The following MPP3 variants were observed in gnomAD, a reference collection of about 807,000 sequenced individuals.
MPP3 encodes MAGUK p55 subfamily member 3.
A neutral mutation model predicts 80.7 loss-of-function variants in MPP3; 48 were observed. The ratio of observed to expected loss-of-function variants is 0.59; its 90% confidence interval spans 0.47 to 0.76. The LOEUF is 0.76. MPP3 is among the 30% of genes least tolerant of loss of function. The probability of loss-of-function intolerance (pLI) is 0.00; values close to 1 mark genes in which losing one functional copy is unlikely to be tolerated. For synonymous variants in MPP3, 311 were observed against 297.6 expected, an observed-to-expected ratio of 1.04 and a Z score of -0.46; for missense variants, 620 against 763.0, an observed-to-expected ratio of 0.81 and a Z score of 2.21.
intron 14 of MPP3, 100 bp from the exon 15 acceptor site, chr17:43,814,461 C>T (rs996806273): frequency 8.2e-7 from 1 of 1,218,800 alleles, no homozygotes; most frequent in Non-Finnish European, 1.1e-6. Context: ...GGAGATGGGA[C>T]TGAGTCCCAC....
At position 43,811,128 on chromosome 17, in the gene MPP3, C is replaced by T. The variant is rs571133744; in HGVS notation, c.1333G>A (p.Asp445Asn). The T allele has an allele frequency of 5.0e-6, 8 of 1,614,030 alleles. No individual in the cohort carries two copies. The highest frequency in any genetic ancestry group is 3.3e-5 in the South Asian group (3 of 91,074). The change falls in exon 17 of 20, where the codon GAC becomes AAC. Residue 445 changes from aspartate (D) to asparagine (N), a missense_variant. Coordinates refer to ENST00000398389, the MANE Select transcript of MPP3 (RefSeq NM_001932.6). ...GCAACGTACTTGTTGTGATGTAAGT[C>T]GGCCTCAAATGCTTGCTTAGACACA... is the stretch of plus-strand genomic sequence containing the variant. ...HFVSKQAFEA[D>N]LHHNKFLEHG...
intron 19 of MPP3, 70 bp from the exon 20 acceptor site, chr17:43,801,947 T>C (rs2044426919): frequency 6.7e-7 from 1 of 1,500,938 alleles, no homozygotes; most frequent in African/African-American, 1.4e-5. Context: ...ACCTTTGTCT[T>C]GAGCAATGTT....
At position 43,812,674 on chromosome 17, in the gene MPP3, G is replaced by A. The variant is rs149098025; in HGVS notation, c.1255+1337C>T. 8.1e-4 allele frequency among the ~76,000 whole-genome samples: 123 copies of A among 152,326 alleles called. No individual in the cohort carries two copies. The Middle Eastern group carries it at 0.014, about 17-fold the overall frequency. ...GACTCCCCCAGTTTCTAAAACAAAG[G>A]AGGAAAGTCTCCTATCTGTGGAGTG... On this transcript the variant is annotated intron_variant, in intron 16 of 19. Coordinates refer to ENST00000398389, the MANE Select transcript of MPP3 (RefSeq NM_001932.6).
chr17:43,812,344 G>A (rs1298932530), intron 16 of MPP3, among the ~76,000 whole-genome samples: 22 of 152,168 alleles, frequency 1.4e-4, no homozygotes, highest in Non-Finnish European at 1.5e-5. Flanking sequence ...CCAACCTCCG[G>A]TAGAGGTGCT....
intron 5 of MPP3, 77 bp downstream of exon 5, chr17:43,831,167 A>C: frequency 7.1e-7 from 1 of 1,401,496 alleles, no homozygotes; most frequent in Middle Eastern, 1.8e-4. Context: ...CCCCACACTA[A>C]GCAAGCGAGG....
At chr17:43,818,142 T>C (rs749601999) in intron 11 of MPP3, 32 bp from the exon 12 acceptor site, 2 of 1,465,758 alleles carry the variant, frequency 1.4e-6, no homozygotes, top group Non-Finnish European at 1.8e-6. Context: ...GGCGGGCCCG[T>C]GAGCTGGGCC....
rs746351115 is a variant in MPP3, at chr17:43,831,952, A to G, written c.-37-9T>C. The G allele has an allele frequency of 6.3e-7, 1 of 1,584,642 alleles. No individual in the cohort carries two copies. The highest frequency in any genetic ancestry group is 1.7e-4 in the Middle Eastern group (1 of 6,008). ...ACCTCTCCCTGCAGATTCTGGGAGA[A>G]GGGGGTGGAGGTGGGTATTGAAGCT... On this transcript the variant is annotated splice_polypyrimidine_tract_variant and intron_variant, in intron 2 of 19. Coordinates refer to ENST00000398389, the MANE Select transcript of MPP3 (RefSeq NM_001932.6).
Position 43,801,703 on chromosome 17 carries a change from A to G in MPP3, c.1756T>C (p.Ter586GlnextTer16), listed in dbSNP as rs1227382147. ...THWVPVSWVR[*>Q] ...AGCTTGGATGTTCTGGGATAAAGTT[A>G]CCTGACCCAACTAACAGGTACCCAG... Residue 586 changes from the stop codon to glutamine, a stop_lost, in exon 20 of 20, where the codon TAA (stop) becomes CAA (glutamine). Transcript: ENST00000398389. The G allele has an allele frequency of 6.2e-7, 1 of 1,614,086 alleles. No homozygotes were observed. Among genetic ancestry groups the G allele is most frequent in the East Asian group, 2.2e-5 (1 of 44,882 alleles).
chr17:43,819,958 G>A (rs2154591346), intron 11 of MPP3, among the ~76,000 whole-genome samples: 1 of 151,908 alleles, frequency 6.6e-6, no homozygotes, highest in East Asian at 1.9e-4. Flanking sequence ...GTTTTGTTTT[G>A]TTTTTTGAGT....
At chr17:43,812,922 A>G (rs1422704342) in intron 16 of MPP3, among the ~76,000 whole-genome samples, 2 of 152,054 alleles carry the variant, frequency 1.3e-5, no homozygotes, top group South Asian at 4.1e-4. Context: ...GCCACTTCAG[A>G]TTGGGCTGTG....
At chr17:43,820,175 GC>G (rs2045357836) in intron 11 of MPP3, among the ~76,000 whole-genome samples, 1 of 151,980 alleles carries the variant, frequency 6.6e-6, no homozygotes, top group South Asian at 2.1e-4. Context: ...GAACTCCTGG[GC>G]CCAAGGGAAC....
chr17:43,820,316 T>G (rs1355996540), intron 11 of MPP3, among the ~76,000 whole-genome samples: 1 of 152,136 alleles, frequency 6.6e-6, no homozygotes, highest in Non-Finnish European at 1.5e-5. Flanking sequence ...ATACATTAAC[T>G]TAGGCTGGAT....
chr17:43,820,947 C>T lies in MPP3; in HGVS notation c.796G>A (p.Asp266Asn). Reference protein sequence around the residue: ...RRQVLEVVSQDDPTWWQAKRV... With the variant: ...RRQVLEVVSQNDPTWWQAKRV... The stretch of plus-strand genomic sequence containing the variant: ...TTGGCCTGCCACCACGTGGGGTCGT[C>T]CTGGCTCACCACCTCCAGGACCTGC... Residue 266 changes from aspartate to asparagine, a missense_variant, in exon 11 of 20, where the codon GAC becomes AAC. Asp to Asn is a conservative substitution (Grantham distance 23). Coordinates refer to ENST00000398389, the MANE Select transcript of MPP3 (RefSeq NM_001932.6). 1.9e-6 allele frequency: 3 copies of T among 1,614,002 alleles called. No individual in the cohort carries two copies. The highest frequency in any genetic ancestry group is 2.2e-5 in the East Asian group (1 of 44,878).
At chr17:43,830,633 C>G (rs2045917668) in intron 5 of MPP3, among the ~76,000 whole-genome samples, 2 of 152,330 alleles carry the variant, frequency 1.3e-5, no homozygotes, top group African/African-American at 4.8e-5. Flanking sequence ...TGCCCCTAAT[C>G]ACATTCCACA....
At chr17:43,823,176 C>A (rs879803023) in intron 10 of MPP3, among the ~76,000 whole-genome samples, 17 of 152,110 alleles carry the variant, frequency 1.1e-4, no homozygotes, top group Non-Finnish European at 2.1e-4. Flanking sequence ...CTAAGAGGCC[C>A]CACACTAAGC....
chr17:43,829,723 G>T lies in MPP3; in HGVS notation c.372C>A (p.Asp124Glu), dbSNP rs1376925481. ...CCTCATCAAAATCCTCATCGATATT[G>T]TCAGGCAGAGGCGGGAGAACGGGGT... ...NFDPVLPPLP[D>E]NIDEDFDEES... Residue 124 changes from aspartate (D) to glutamate (E), a missense_variant, in exon 7 of 20, where the codon GAC (aspartate) becomes GAA (glutamate). By Grantham distance (45) the Asp-to-Glu change is conservative. Transcript: ENST00000398389. 6.2e-7 allele frequency: 1 copy of T among 1,614,094 alleles called. No individual in the cohort carries two copies. The highest frequency in any genetic ancestry group is 8.5e-7 in the Non-Finnish European group (1 of 1,179,996).
chr17:43,816,136 A>G, intron 13 of MPP3, 57 bp from the exon 14 acceptor site: 2 of 1,450,548 alleles, frequency 1.4e-6, no homozygotes, highest in Non-Finnish European at 1.8e-6. Context: ...CATCCGGCCC[A>G]GGGCACCCAG....
intron 19 of MPP3, among the ~76,000 whole-genome samples, chr17:43,807,119 G>C (rs890329035): frequency 2.0e-5 from 3 of 151,572 alleles, no homozygotes; most frequent in Admixed American, 1.3e-4. Context: ...TTACAGGCAT[G>C]CACCACCACA....
chr17:43,826,928 T>A (rs1250475434), intron 8 of MPP3, among the ~76,000 whole-genome samples: 2 of 150,954 alleles, frequency 1.3e-5, no homozygotes, highest in Non-Finnish European at 3.0e-5. Flanking sequence ...CTCAAACTCC[T>A]GGGCTCAAAC....
Sources: gnomAD v4.1 joint callset for allele counts (sites outside exome capture counted in the v4.1 genomes callset) on GRCh38, gnomAD v4.1.1 for gene constraint, MANE v1.5 for transcripts, NCBI Gene and HGNC (gene_info 2026-07-23, HGNC 2026-07-21) for gene names.